INTS14: variants seen among roughly 807,000 people sequenced by gnomAD.
INTS14 encodes integrator complex subunit 14.
In INTS14, 27 loss-of-function variants were observed where a neutral mutation model predicts 56.9. The observed-to-expected ratio is 0.47, with a 90% confidence interval of 0.35 to 0.65. The LOEUF (loss-of-function observed/expected upper bound fraction) is 0.65. Ranked by LOEUF, INTS14 falls within the 30% of genes least tolerant of loss-of-function variation. The probability of loss-of-function intolerance (pLI) is 0.00; values close to 1 mark genes in which losing one functional copy is unlikely to be tolerated. For synonymous variants in INTS14, 207 were observed against 236.2 expected, an observed-to-expected ratio of 0.88 and a Z score of 1.13; for missense variants, 517 against 632.2, an observed-to-expected ratio of 0.82 and a Z score of 1.95.
intron 9 of INTS14, 147 bp downstream of exon 9, chr15:65,591,451 G>A (rs976745725): frequency 4.6e-6 from 5 of 1,083,666 alleles, no homozygotes; most frequent in Non-Finnish European, 6.3e-6. Flanking sequence ...CTCTCTTCAA[G>A]TTTTCACCGT....
intron 6 of INTS14, among the ~76,000 whole-genome samples, chr15:65,596,302 C>T (rs983548918): frequency 3.9e-5 from 6 of 151,974 alleles, no homozygotes; most frequent in African/African-American, 9.7e-5. Context: ...GCTTTATAGA[C>T]GCTGTAGTAA....
chr15:65,600,032 CTATGGT>C, intron 3 of INTS14, 103 bp from the exon 4 acceptor site: 5 of 1,296,290 alleles, frequency 3.9e-6, no homozygotes, highest in Middle Eastern at 2.6e-4. Context: ...CCAGGGCTGG[CTATGGT>C]GGCTCAAGCC....
intron 7 of INTS14, among the ~76,000 whole-genome samples, chr15:65,594,155 CATGT>C (rs2073127849): frequency 6.6e-6 from 1 of 152,178 alleles, no homozygotes; most frequent in Non-Finnish European, 1.5e-5. Flanking sequence ...GCAGCACATG[CATGT>C]GAGTCCCCAA....
chr15:65,600,311 TAAAACAAAAC>T (rs559547171), intron 3 of INTS14, among the ~76,000 whole-genome samples: 23 of 148,276 alleles, frequency 1.6e-4, no homozygotes, highest in Middle Eastern at 3.5e-3. Flanking sequence ...TCTGTCTTTT[TAAAACAAAAC>T]AAAACAAAAC....
chr15:65,607,068 C>A, intron 2 of INTS14, 91 bp downstream of exon 2: 4 of 1,463,426 alleles, frequency 2.7e-6, no homozygotes, highest in Non-Finnish European at 3.7e-6. Context: ...TTAAATAATG[C>A]CAAAGTTCTA....
intron 9 of INTS14, chr15:65,586,374 C>T (rs1420112776): frequency 6.6e-6 from 1 of 152,178 alleles, no homozygotes; most frequent in African/African-American, 2.4e-5. Flanking sequence ...CTTCAAAAGC[C>T]AACACTTTTT....
At chr15:65,596,295 T>C (rs566711628) in intron 6 of INTS14, among the ~76,000 whole-genome samples, 1 of 152,326 alleles carries the variant, frequency 6.6e-6, no homozygotes, top group East Asian at 1.9e-4. Context: ...CTTCTCTGCT[T>C]TATAGACGCT....
At chr15:65,589,308 C>A in intron 9 of INTS14, among the ~76,000 whole-genome samples, 1 of 152,174 alleles carries the variant, frequency 6.6e-6, no homozygotes, top group East Asian at 1.9e-4. Flanking sequence ...CAGGTGCACA[C>A]CACCATGCCC....
chr15:65,602,884 C>G (rs553324748), intron 3 of INTS14, among the ~76,000 whole-genome samples: 2 of 152,172 alleles, frequency 1.3e-5, no homozygotes. Context: ...CTTGCCCTCA[C>G]GTTGTCTCAA....
chr15:65,584,031 G>A (rs948505949), intron 10 of INTS14, among the ~76,000 whole-genome samples: 1 of 152,116 alleles, frequency 6.6e-6, no homozygotes, highest in Non-Finnish European at 1.5e-5. Context: ...TGTAAATAAA[G>A]GTGCTCAAAG....
chr15:65,582,303 C>T (rs767127788), intron 10 of INTS14, among the ~76,000 whole-genome samples: 7 of 152,092 alleles, frequency 4.6e-5, no homozygotes, highest in Middle Eastern at 3.4e-3. Context: ...TTTGCAAAGA[C>T]GATTCAATGG....
chr15:65,598,391 T>C lies in INTS14; in HGVS notation c.678A>G (p.Gln226=). ...CAAAAGGTTCTGGCCTGGGGAAGAC[T>C]TGTACATCAGCAGTTAGGTGGCCAC... The part of the protein sequence containing the change: ...LKCGHLTADV[Q]VFPRPEPFVV... The change falls in exon 6 of 12, where the codon CAA becomes CAG. Residue 226 remains glutamine, a synonymous_variant. Transcript: ENST00000313182. 1 of 1,614,108 alleles carries C rather than the reference T, an allele frequency of 6.2e-7. No individual in the cohort carries two copies. The highest frequency in any genetic ancestry group is 8.5e-7 in the Non-Finnish European group (1 of 1,179,962).
intron 3 of INTS14, among the ~76,000 whole-genome samples, chr15:65,603,673 A>C (rs1415490060): frequency 6.6e-6 from 1 of 151,936 alleles, no homozygotes; most frequent in Non-Finnish European, 1.5e-5. Context: ...TTACTGAGGA[A>C]TCCTTTGTTT....
At chr15:65,581,253 A>G (rs985586781) in intron 11 of INTS14, among the ~76,000 whole-genome samples, 4 of 149,930 alleles carry the variant, frequency 2.7e-5, no homozygotes, top group East Asian at 1.9e-4. Context: ...GGTGGCACAC[A>G]CCTGTAATCC....
At chr15:65,610,602 T>G in intron 1 of INTS14, 1 of 1,427,676 alleles carries the variant, frequency 7.0e-7, no homozygotes, top group Non-Finnish European at 9.5e-7. Context: ...TCCCTGAAGG[T>G]GATAATTAGC....
Position 65,579,441 on chromosome 15 carries a change from C to T in INTS14, c.1524G>A (p.Thr508=), listed in dbSNP as rs762255473. The T allele has an allele frequency of 2.5e-5, 40 of 1,613,292 alleles. No individual in the cohort carries two copies. The highest frequency in any genetic ancestry group is 1.3e-4 in the Admixed American group (8 of 59,988). Reference sequence around the variant, plus strand: ...TTTCAGTGCTGCTCCCAGAGAAGTCCGTGTGCAAAGGTGTGATGTTCTGGT... The same window carrying T: ...TTTCAGTGCTGCTCCCAGAGAAGTCTGTGTGCAAAGGTGTGATGTTCTGGT... The part of the protein sequence containing the change: ...AYDQNITPLH[T]DFSGSSTERI The change falls in exon 12 of 12, where the codon ACG becomes ACA. Residue 508 remains threonine, a synonymous_variant. Coordinates refer to ENST00000313182, the MANE Select transcript of INTS14 (RefSeq NM_001394796.1).
At chr15:65,611,055 A>G (rs1200516220) in intron 1 of INTS14, 43 bp downstream of exon 1, 2 of 1,535,374 alleles carry the variant, frequency 1.3e-6, no homozygotes, top group Admixed American at 3.9e-5. Context: ...TAACCCCAAC[A>G]AGCAGCGAAA....
intron 1 of INTS14, among the ~76,000 whole-genome samples, chr15:65,610,167 C>A (rs954635344): frequency 5.9e-5 from 9 of 152,030 alleles, no homozygotes; most frequent in Non-Finnish European, 1.2e-4. Context: ...CGAGACCAGT[C>A]TGACCAACAT....
intron 8 of INTS14, among the ~76,000 whole-genome samples, chr15:65,593,147 T>C (rs2073090304): frequency 6.7e-6 from 1 of 150,248 alleles, no homozygotes; most frequent in Non-Finnish European, 1.5e-5. Context: ...ACCTGGGTCA[T>C]GGCTACTTGG....
Sources: allele counts gnomAD v4.1 joint callset (sites outside exome capture counted in the v4.1 genomes callset), GRCh38; gene constraint gnomAD v4.1.1; transcripts MANE v1.5; gene names NCBI Gene and HGNC (gene_info 2026-07-23, HGNC 2026-07-21).